The following DTWD2 variants were observed in gnomAD, a reference collection of about 807,000 sequenced individuals.
DTWD2 encodes the protein DTW motif tRNA-uridine aminocarboxypropyltransferase 2, also known as tRNA-uridine aminocarboxypropyltransferase 2.
DTWD2 carries 39 observed loss-of-function variants against 31.8 expected under a neutral mutation model. The ratio of observed to expected loss-of-function variants is 1.22; its 90% CI spans 0.95 to 1.60. The LOEUF (loss-of-function observed/expected upper bound fraction) is 1.60. Ranked by LOEUF, DTWD2 falls within the 40% of genes most tolerant of loss-of-function variation. The pLI, the probability that DTWD2 is intolerant of heterozygous loss-of-function variation, is 0.00. For synonymous variants in DTWD2, 180 were observed against 142.8 expected (o/e 1.26, Z -1.86); for missense variants, 515 against 381.5 (o/e 1.35, Z -2.92).
intron 4 of DTWD2, among the ~76,000 whole-genome samples, chr5:118,861,284 A>G (rs1752254659): frequency 6.6e-6 from 1 of 152,240 alleles, no homozygotes. Context: ...ATTGAAGTTT[A>G]TGATTAGAGT....
At chr5:118,931,453 A>G (rs1753922530) in intron 3 of DTWD2, among the ~76,000 whole-genome samples, 2 of 152,166 alleles carry the variant, frequency 1.3e-5, no homozygotes, top group South Asian at 4.1e-4. Context: ...TATAAACTAC[A>G]GACAAAGCAG....
At chr5:118,959,119 A>G (rs1754653282) in intron 1 of DTWD2, among the ~76,000 whole-genome samples, 1 of 152,198 alleles carries the variant, frequency 6.6e-6, no homozygotes, top group African/African-American at 2.4e-5. Context: ...CAAGGGAAAT[A>G]AATAAAAGAC....
In DTWD2 at chr5:118,868,440, C is replaced by T. The variant is rs115470197; in HGVS notation, c.598-20222G>A. 4.6e-5 allele frequency among the ~76,000 whole-genome samples: 7 copies of T among 151,970 alleles called. 1 individual carries two copies. Among genetic ancestry groups the T allele is most frequent in the African/African-American group, 1.7e-4 (7 of 41,356 alleles). On this transcript the variant is annotated intron_variant, in intron 4 of 5. Coordinates refer to ENST00000510708, the MANE Select transcript of DTWD2 (RefSeq NM_173666.4). Reference sequence around the variant, plus strand: ...TATACAACCTCAAATTTTAAAACTGCATCAAAAAACACAATCAAGAAAGTG... The same window carrying T: ...TATACAACCTCAAATTTTAAAACTGTATCAAAAAACACAATCAAGAAAGTG...
chr5:118,881,030 T>G (rs928881604), intron 4 of DTWD2, among the ~76,000 whole-genome samples: 1 of 152,186 alleles, frequency 6.6e-6, no homozygotes, highest in Non-Finnish European at 1.5e-5. Context: ...AAACTCATAG[T>G]TTTAGTTTTA....
At chr5:118,894,921 C>A (rs867406459) in intron 4 of DTWD2, among the ~76,000 whole-genome samples, 1 of 152,078 alleles carries the variant, frequency 6.6e-6, no homozygotes, top group Non-Finnish European at 1.5e-5. Flanking sequence ...TGGGGGACAA[C>A]TGAAAGCCTT....
At chr5:118,929,524 AC>A (rs1388624716) in intron 3 of DTWD2, among the ~76,000 whole-genome samples, 2 of 150,242 alleles carry the variant, frequency 1.3e-5, no homozygotes, top group Non-Finnish European at 3.0e-5. Flanking sequence ...TGTTCTGACC[AC>A]GAGGCATCCC....
At chr5:118,952,485 T>C (rs866415030) in intron 1 of DTWD2, among the ~76,000 whole-genome samples, 6 of 151,944 alleles carry the variant, frequency 3.9e-5, no homozygotes, top group African/African-American at 1.5e-4. Context: ...GCGGGGGTCA[T>C]GAGGTGCTCA....
At chr5:118,879,609 C>CA (rs775009585) in intron 4 of DTWD2, among the ~76,000 whole-genome samples, 1,341 of 35,000 alleles carry the variant, frequency 0.038, 28 homozygotes, top group African/African-American at 0.081. Flanking sequence ...GACTACAGCT[C>CA]AAAAAAAAAA....
intron 4 of DTWD2, among the ~76,000 whole-genome samples, chr5:118,865,541 T>G (rs1287996683): frequency 2.0e-5 from 3 of 152,200 alleles, no homozygotes. Context: ...CATTTTGGCA[T>G]GGCCATGTTT....
intron 2 of DTWD2, among the ~76,000 whole-genome samples, chr5:118,941,594 T>C (rs1282088274): frequency 1.3e-5 from 2 of 152,206 alleles, no homozygotes; most frequent in Non-Finnish European, 2.9e-5. Context: ...GACATTTAGG[T>C]TGGTTCCAAG....
At chr5:118,905,394 G>A (rs546092503) in intron 4 of DTWD2, among the ~76,000 whole-genome samples, 4 of 152,084 alleles carry the variant, frequency 2.6e-5, no homozygotes, top group Non-Finnish European at 2.9e-5. Flanking sequence ...GCTGCAGAGC[G>A]TATAACATTC....
chr5:118,933,973 G>C (rs1359169675), intron 3 of DTWD2, among the ~76,000 whole-genome samples: 1 of 150,626 alleles, frequency 6.6e-6, no homozygotes, highest in Non-Finnish European at 1.5e-5. Flanking sequence ...CAAGATATAA[G>C]GTTAATATAC....
rs1225305279 is a variant in DTWD2, at chr5:118,988,336, G to A, written c.176C>T (p.Pro59Leu). ...AGGCCTCCGCTCGGCCGGCTCCACC[G>A]GCAGCTCCCACAGCCCGTCCGCACT... ...DDSADGLWEL[P>L]VEPAERRPEC... Residue 59 changes from proline to leucine, a missense_variant, in exon 1 of 6, where the codon CCG becomes CTG. Coordinates refer to ENST00000510708, the MANE Select transcript of DTWD2 (RefSeq NM_173666.4). 4.5e-6 allele frequency: 7 copies of A among 1,548,390 alleles called. No individual in the cohort carries two copies. In the African/African-American group the frequency reaches 5.6e-5, roughly 12 times the overall value.
At chr5:118,848,348 T>G in intron 4 of DTWD2, 130 bp from the exon 5 acceptor site, 3 of 741,948 alleles carry the variant, frequency 4.0e-6, no homozygotes, top group Non-Finnish European at 6.2e-6. Context: ...TGTCAATATC[T>G]TTTATGTATA....
chr5:118,917,816 T>C (rs946654026), intron 4 of DTWD2, among the ~76,000 whole-genome samples: 1 of 152,052 alleles, frequency 6.6e-6, no homozygotes, highest in Non-Finnish European at 1.5e-5. Flanking sequence ...TACTAAATTA[T>C]TAGCCAGGAG....
At position 118,928,428 on chromosome 5, in the gene DTWD2, T is replaced by C. The variant is rs150159672; in HGVS notation, c.597+109A>G. 6,059 of 716,932 alleles carry C rather than the reference T, an allele frequency of 8.5e-3. 34 individuals carry two copies. Among genetic ancestry groups the C allele is most frequent in the Admixed American group, 0.011 (263 of 24,124 alleles). 44.4% of individuals were successfully genotyped at this position (716,932 alleles called of 1,614,324 possible). A position where few individuals can be genotyped will look rare whatever the true frequency, so the allele number is the denominator to read the frequency against. Reference sequence around the variant, plus strand: ...GGTACTATATATTCACACATAGAAATACCACCAAATTCATATATAAAAATC... The same window carrying C: ...GGTACTATATATTCACACATAGAAACACCACCAAATTCATATATAAAAATC... On this transcript the variant is annotated intron_variant, in intron 4 of 5. Transcript: ENST00000510708.
intron 1 of DTWD2, among the ~76,000 whole-genome samples, chr5:118,949,255 TGA>T (rs1326888178): frequency 1.6e-4 from 25 of 152,314 alleles, no homozygotes; most frequent in African/African-American, 5.8e-4. Flanking sequence ...GGGCTGTTCC[TGA>T]AGCCTTGTGG....
At chr5:118,841,721 G>A (rs2112665762) in intron 5 of DTWD2, among the ~76,000 whole-genome samples, 1 of 152,134 alleles carries the variant, frequency 6.6e-6, no homozygotes, top group Non-Finnish European at 1.5e-5. Flanking sequence ...GAGAATAGTG[G>A]CGGCTGTAAT....
intron 1 of DTWD2, among the ~76,000 whole-genome samples, chr5:118,957,012 A>C (rs1460246000): frequency 6.6e-6 from 1 of 152,086 alleles, no homozygotes; most frequent in Non-Finnish European, 1.5e-5. Context: ...ATCCAACATA[A>C]CCAATAAAAG....
Sources: gnomAD v4.1 joint callset for allele counts (sites outside exome capture counted in the v4.1 genomes callset) on GRCh38, gnomAD v4.1.1 for gene constraint, MANE v1.5 for transcripts, NCBI Gene and HGNC (gene_info 2026-07-23, HGNC 2026-07-21) for gene names.